PTPRD: variants seen among roughly 807,000 people sequenced by gnomAD.
The protein encoded by PTPRD is protein tyrosine phosphatase receptor type D.
In PTPRD, 34 loss-of-function variants were observed where a neutral mutation model predicts 214.5. The observed-to-expected ratio is 0.16, with a 90% CI of 0.12 to 0.21. PTPRD has a LOEUF of 0.21. Among genes scored for constraint, PTPRD ranks in the 10% least tolerant of loss-of-function variants. The pLI, the probability that PTPRD is intolerant of heterozygous loss-of-function variation, is 1.00. For missense variants in PTPRD, 2,545 were observed against 2,398.7 expected (o/e 1.06, Z -1.27); for synonymous variants, 1,128 against 845.7 (o/e 1.33, Z -5.79).
At chr9:8,501,207 T>C (rs1004306356) in intron 23 of PTPRD, 148 bp from the exon 24 acceptor site, 7 of 636,354 alleles carry the variant, frequency 1.1e-5, no homozygotes, top group East Asian at 2.7e-5. Context: ...TAAATTCTAA[T>C]GACAAATTAT....
chr9:8,435,586 C>G (rs144487563), intron 35 of PTPRD, among the ~76,000 whole-genome samples: 1 of 152,086 alleles, frequency 6.6e-6, no homozygotes, highest in Admixed American at 6.6e-5. Context: ...AAACAATTAT[C>G]GTCCAGTTAT....
At chr9:9,250,852 C>A (rs1330072843) in intron 9 of PTPRD, among the ~76,000 whole-genome samples, 1 of 152,172 alleles carries the variant, frequency 6.6e-6, no homozygotes, top group East Asian at 1.9e-4. Context: ...ATGATAGCAG[C>A]TTGTGAAAAG....
At chr9:8,402,668 T>C (rs998597478) in intron 36 of PTPRD, among the ~76,000 whole-genome samples, 1 of 136,312 alleles carries the variant, frequency 7.3e-6, no homozygotes, top group African/African-American at 3.1e-5. Flanking sequence ...ATGGAGATGA[T>C]TTAAGAGACT....
chr9:8,745,213 T>C (rs142460457), intron 11 of PTPRD, among the ~76,000 whole-genome samples: 10 of 152,338 alleles, frequency 6.6e-5, no homozygotes, highest in Admixed American at 5.2e-4. Flanking sequence ...ATGGAATTAA[T>C]AACCTCAAAA....
chr9:8,571,692 G>A (rs750667908), intron 14 of PTPRD, among the ~76,000 whole-genome samples: 1 of 152,124 alleles, frequency 6.6e-6, no homozygotes, highest in Non-Finnish European at 1.5e-5. Context: ...AATAGATAGT[G>A]TAAGTGGGTT....
At chr9:8,584,510 T>C (rs997038277) in intron 14 of PTPRD, among the ~76,000 whole-genome samples, 3 of 152,150 alleles carry the variant, frequency 2.0e-5, no homozygotes, top group Admixed American at 1.3e-4. Context: ...TGCCATTCCC[T>C]CAAAATGTGG....
intron 4 of PTPRD, among the ~76,000 whole-genome samples, chr9:9,947,427 A>AT (rs2092802941): frequency 2.8e-4 from 9 of 31,890 alleles, no homozygotes; most frequent in African/African-American, 2.7e-3. Flanking sequence ...TATATATATT[A>AT]TATATATATT....
chr9:9,949,740 G>A (rs1586899039), intron 4 of PTPRD, among the ~76,000 whole-genome samples: 1 of 152,066 alleles, frequency 6.6e-6, no homozygotes, highest in African/African-American at 2.4e-5. Flanking sequence ...TTGACGAATG[G>A]GGAGCAAGTA....
intron 3 of PTPRD, among the ~76,000 whole-genome samples, chr9:10,125,634 G>GTGTGTGTC (rs1554687233): frequency 6.7e-6 from 1 of 149,946 alleles, no homozygotes; most frequent in Non-Finnish European, 1.5e-5. Flanking sequence ...GTGTGTGTGT[G>GTGTGTGTC]TGTGTGTGTG....
intron 3 of PTPRD, among the ~76,000 whole-genome samples, chr9:10,235,728 T>A (rs1204281818): frequency 1.3e-5 from 2 of 152,020 alleles, no homozygotes; most frequent in Non-Finnish European, 2.9e-5. Flanking sequence ...CTTTATAGAT[T>A]ATGTAAGAAA....
chr9:10,367,873 T>TA (rs1263691696), intron 2 of PTPRD, among the ~76,000 whole-genome samples: 1 of 151,882 alleles, frequency 6.6e-6, no homozygotes, highest in East Asian at 1.9e-4. Context: ...CCCATAGCTA[T>TA]AAAAAAGGGT....
chr9:9,940,423 G>A (rs2091118291), intron 4 of PTPRD, among the ~76,000 whole-genome samples: 1 of 152,072 alleles, frequency 6.6e-6, no homozygotes, highest in African/African-American at 2.4e-5. Flanking sequence ...GAAAGAAAGA[G>A]TGAGTCTAAA....
chr9:9,581,369 A>T (rs907394894), intron 7 of PTPRD, among the ~76,000 whole-genome samples: 19 of 152,178 alleles, frequency 1.2e-4, no homozygotes, highest in African/African-American at 4.3e-4. Flanking sequence ...GTTATCAGAA[A>T]CACTTTCTTG....
intron 8 of PTPRD, among the ~76,000 whole-genome samples, chr9:9,402,658 C>A (rs1044480100): frequency 2.6e-5 from 4 of 151,526 alleles, no homozygotes; most frequent in African/African-American, 7.3e-5. Flanking sequence ...TAATGCAATT[C>A]CAAACATAGA....
chr9:9,244,519 A>C (rs1015108227), intron 9 of PTPRD, among the ~76,000 whole-genome samples: 11 of 152,216 alleles, frequency 7.2e-5, no homozygotes, highest in African/African-American at 2.4e-4. Context: ...CAAACCTGAC[A>C]AAAACAAGCA....
At chr9:8,683,471 T>A (rs527757924) in intron 12 of PTPRD, among the ~76,000 whole-genome samples, 65 of 152,168 alleles carry the variant, frequency 4.3e-4, no homozygotes, top group Non-Finnish European at 8.7e-4. Flanking sequence ...AACAGTTCAC[T>A]TTTTTCAGGC....
At chr9:10,308,093 G>T (rs963016181) in intron 3 of PTPRD, among the ~76,000 whole-genome samples, 2 of 151,320 alleles carry the variant, frequency 1.3e-5, no homozygotes, top group Non-Finnish European at 3.0e-5. Flanking sequence ...GTCTATTTTT[G>T]TTTATATTGC....
rs543903989 is a variant in PTPRD at position 9,929,556 on chromosome 9, G to T, written c.-368+8951C>A. 2.6e-5 allele frequency among the ~76,000 whole-genome samples: 4 copies of T among 152,196 alleles called. No homozygotes were observed. The South Asian group carries it at 8.3e-4, about 32-fold the overall frequency. ...CTACAGGCATGTGCCACCATGCCCA[G>T]CTAACTTTTATATTTTTAGTAGAGA... On this transcript the variant is annotated intron_variant, in intron 5 of 45. Transcript: ENST00000381196.
At chr9:8,763,920 A>C (rs1248872480) in intron 11 of PTPRD, among the ~76,000 whole-genome samples, 1 of 152,216 alleles carries the variant, frequency 6.6e-6, no homozygotes, top group Non-Finnish European at 1.5e-5. Context: ...ATTCAAGACA[A>C]GACTGAACTA....
Sources: gnomAD v4.1 joint callset for allele counts (sites outside exome capture counted in the v4.1 genomes callset) on GRCh38, gnomAD v4.1.1 for gene constraint, MANE v1.5 for transcripts, NCBI Gene and HGNC (gene_info 2026-07-23, HGNC 2026-07-21) for gene names.